Variants in POFUT1 observed in about 807,000 individuals in gnomAD.
POFUT1 encodes protein O-fucosyltransferase 1, also known as GDP-fucose protein O-fucosyltransferase 1.
POFUT1 carries 16 observed loss-of-function variants against 42.4 expected under a neutral mutation model. The ratio of observed to expected loss-of-function variants is 0.38; its 90% CI spans 0.26 to 0.57. The LOEUF is 0.57. POFUT1 is among the 20% of genes least tolerant of loss of function. The probability of loss-of-function intolerance (pLI) is 0.71; values close to 1 mark genes in which losing one functional copy is unlikely to be tolerated. For synonymous variants in POFUT1, 206 were observed against 205.4 expected (o/e 1.00, Z -0.03); for missense variants, 470 against 504.6 (o/e 0.93, Z 0.66).
At position 32,228,350 on chromosome 20, in the gene POFUT1, G is replaced by C; in HGVS notation, c.630G>C (p.Lys210Asn). The change falls in exon 5 of 7, where the codon AAG becomes AAC. Residue 210 changes from lysine (K) to asparagine (N), a missense_variant. By Grantham distance (94) the Lys-to-Asn change is moderately conservative (BLOSUM62 0). Coordinates refer to ENST00000375749, the MANE Select transcript of POFUT1 (RefSeq NM_015352.2). Reference sequence around the variant, plus strand: ...TAGAGGAACACAGGCCACTACAGAAGTACATGGTATGGTCAGACGAAATGG... The same window carrying C: ...TAGAGGAACACAGGCCACTACAGAACTACATGGTATGGTCAGACGAAATGG... ...PVLEEHRPLQ[K>N]YMVWSDEMVK... 1 of 1,614,172 alleles carries C rather than the reference G, an allele frequency of 6.2e-7. No individual in the cohort carries two copies. Among genetic ancestry groups the C allele is most frequent in the East Asian group, 2.2e-5 (1 of 44,888 alleles).
At chr20:32,223,637 C>A (rs1247026370) in intron 4 of POFUT1, 2 of 985,304 alleles carry the variant, frequency 2.0e-6, no homozygotes, top group African/African-American at 3.5e-5. Flanking sequence ...AGTAGCTACT[C>A]AGGTAATATG....
At chr20:32,222,565 G>A in intron 4 of POFUT1, 1 of 981,550 alleles carries the variant, frequency 1.0e-6, no homozygotes, top group Non-Finnish European at 1.2e-6. Context: ...AGAAATGTCT[G>A]TCTTTCTTTT....
chr20:32,225,453 C>G (rs916433932), intron 4 of POFUT1, among the ~76,000 whole-genome samples: 3 of 151,874 alleles, frequency 2.0e-5, no homozygotes, highest in Non-Finnish European at 4.4e-5. Context: ...TCCCAAAGTT[C>G]TAGGATTACA....
intron 3 of POFUT1, 85 bp downstream of exon 3, chr20:32,215,536 A>G (rs2047355638): frequency 8.7e-7 from 1 of 1,151,702 alleles, no homozygotes. Context: ...AATGTGGGGA[A>G]AAGCACCAGA....
intron 4 of POFUT1, among the ~76,000 whole-genome samples, chr20:32,220,528 G>T (rs1302316790): frequency 6.6e-6 from 1 of 152,096 alleles, no homozygotes. Context: ...GATCACTTGA[G>T]CCCAGGAATT....
chr20:32,215,504 C>T, intron 3 of POFUT1, 53 bp downstream of exon 3: 1 of 1,456,740 alleles, frequency 6.9e-7, no homozygotes. Context: ...TCCTCTAGGC[C>T]CCCAAGACTA....
rs769298993 is a variant in POFUT1, at chr20:32,230,878, G to A, written c.795G>A (p.Pro265=). ...GTAGSHFMAS[P]QCVGYSRSTA... ...CAGGCTCGCACTTCATGGCCTCTCCGCAGTGTGTGGGCTACAGCCGCAGCA... is the reference window on the plus strand; with the variant it reads ...CAGGCTCGCACTTCATGGCCTCTCCACAGTGTGTGGGCTACAGCCGCAGCA... The change falls in exon 6 of 7, where the codon CCG becomes CCA. Residue 265 remains proline (P), a synonymous_variant. Transcript: ENST00000375749. The A allele has an allele frequency of 1.1e-5, 17 of 1,613,994 alleles. No individual in the cohort carries two copies. The highest frequency in any genetic ancestry group is 1.4e-5 in the Non-Finnish European group (16 of 1,180,026).
In POFUT1 at chr20:32,237,230, C is replaced by G. The variant is rs980939507; in HGVS notation, c.*2569C>G. The G allele has an allele frequency of 1.3e-5, 2 of 153,538 alleles. No individual in the cohort carries two copies. The highest frequency in any genetic ancestry group is 2.4e-5 in the African/African-American group (1 of 41,434). 9.5% of individuals were successfully genotyped at this position (153,538 alleles called of 1,614,324 possible). On this transcript the variant is annotated 3_prime_UTR_variant, in exon 7 of 7. Coordinates refer to ENST00000375749, the MANE Select transcript of POFUT1 (RefSeq NM_015352.2). ...TTCATCACCTACTATGTGTCAGGCTCTATGCTAGGTACTGGGGATACAGGA... is the reference window on the plus strand; with the variant it reads ...TTCATCACCTACTATGTGTCAGGCTGTATGCTAGGTACTGGGGATACAGGA...
At chr20:32,220,465 C>CGTGCA (rs2047385972) in intron 4 of POFUT1, among the ~76,000 whole-genome samples, 1 of 152,084 alleles carries the variant, frequency 6.6e-6, no homozygotes, top group Admixed American at 6.5e-5. Flanking sequence ...ACCAAGGCTG[C>CGTGCA]GTGCAATGGC....
chr20:32,211,090 T>G (rs1213170918), intron 2 of POFUT1, among the ~76,000 whole-genome samples: 1 of 152,120 alleles, frequency 6.6e-6, no homozygotes, highest in Non-Finnish European at 1.5e-5. Flanking sequence ...GTCCTCATTT[T>G]AAAAATAAGC....
intron 4 of POFUT1, among the ~76,000 whole-genome samples, chr20:32,224,290 G>T (rs2047404019): frequency 6.6e-6 from 1 of 152,100 alleles, no homozygotes; most frequent in Non-Finnish European, 1.5e-5. Flanking sequence ...TACGCAGGAG[G>T]CTGAGGTAAG....
rs1259558268 is a variant in POFUT1, at chr20:32,236,307, C to CT, written c.*1649dup. The CT allele has an allele frequency of 6.6e-6, 1 of 152,248 alleles. No homozygotes were observed. Among genetic ancestry groups the CT allele is most frequent in the Non-Finnish European group, 1.5e-5 (1 of 68,070 alleles). 9.4% of individuals were successfully genotyped at this position (152,248 alleles called of 1,614,324 possible). On this transcript the variant is annotated 3_prime_UTR_variant, in exon 7 of 7. Coordinates refer to ENST00000375749, the MANE Select transcript of POFUT1 (RefSeq NM_015352.2). ...TCCACAGCCTTACACTAGGCACACA[C>CT]TTTAGAGTCTGGGGCTCCAGTGGGG...
chr20:32,238,267 G>A lies in POFUT1; in HGVS notation c.*3606G>A. Reference sequence around the variant, plus strand: ...ATAATAATAATAGCCAGGCGTGGTGGCACATGCCTGTATTCCCAGCTGCTT... The same window carrying A: ...ATAATAATAATAGCCAGGCGTGGTGACACATGCCTGTATTCCCAGCTGCTT... On this transcript the variant is annotated 3_prime_UTR_variant, in exon 7 of 7. Coordinates refer to ENST00000375749, the MANE Select transcript of POFUT1 (RefSeq NM_015352.2). 1 of 165,824 alleles carries A rather than the reference G, an allele frequency of 6.0e-6. No homozygotes were observed. Among genetic ancestry groups the A allele is most frequent in the South Asian group, 1.6e-4 (1 of 6,432 alleles). 10.3% of individuals were successfully genotyped at this position (165,824 alleles called of 1,614,324 possible). A position where few individuals can be genotyped will look rare whatever the true frequency, so the allele number is the denominator to read the frequency against.
intron 4 of POFUT1, among the ~76,000 whole-genome samples, chr20:32,224,361 C>T (rs192154781): frequency 4.2e-4 from 64 of 152,166 alleles, no homozygotes; most frequent in African/African-American, 1.5e-3. Context: ...CGCTGCACTC[C>T]AGCCTGGGTG....
In POFUT1 at chr20:32,216,682, T is replaced by C. The variant is rs1033925692; in HGVS notation, c.503T>C (p.Ile168Thr). The part of the protein sequence containing the change: ...SFNKSELFTG[I>T]SFSASYREQW... ...AACAAGTCGGAGCTTTTTACAGGCA[T>C]TTCCTTCAGTGCTTCCTACAGAGAA... The change falls in exon 4 of 7, where the codon ATT becomes ACT. Residue 168 changes from isoleucine (I) to threonine (T), a missense_variant. Coordinates refer to ENST00000375749, the MANE Select transcript of POFUT1 (RefSeq NM_015352.2). 1 of 1,613,590 alleles carries C rather than the reference T, an allele frequency of 6.2e-7. No homozygotes were observed. The highest frequency in any genetic ancestry group is 8.5e-7 in the Non-Finnish European group (1 of 1,179,498).
chr20:32,211,415 A>C (rs1326468171), intron 2 of POFUT1, among the ~76,000 whole-genome samples: 3 of 152,030 alleles, frequency 2.0e-5, no homozygotes, highest in African/African-American at 7.3e-5. Flanking sequence ...CTGGGACTAC[A>C]GGCGCACCAC....
intron 6 of POFUT1, among the ~76,000 whole-genome samples, chr20:32,233,852 AG>A (rs997957800): frequency 1.6e-4 from 25 of 152,282 alleles, no homozygotes; most frequent in African/African-American, 5.1e-4. Flanking sequence ...CCACCAGGCC[AG>A]GGCTTTAGGA....
intron 4 of POFUT1, among the ~76,000 whole-genome samples, chr20:32,221,148 C>A (rs1478497612): frequency 6.6e-6 from 1 of 152,104 alleles, no homozygotes; most frequent in Non-Finnish European, 1.5e-5. Context: ...CCCTGTGAGG[C>A]AATCTGTTAA....
At chr20:32,223,733 T>A in intron 4 of POFUT1, 3 of 970,322 alleles carry the variant, frequency 3.1e-6, no homozygotes, top group Non-Finnish European at 3.7e-6. Context: ...CTAAAAATAT[T>A]TATCATGCCT....
Sources: gnomAD v4.1 joint callset for allele counts (sites outside exome capture counted in the v4.1 genomes callset) on GRCh38, gnomAD v4.1.1 for gene constraint, MANE v1.5 for transcripts, NCBI Gene and HGNC (gene_info 2026-07-23, HGNC 2026-07-21) for gene names.